Variants in TBL1X observed in about 807,000 individuals in gnomAD.
The protein encoded by TBL1X is F-box-like/WD repeat-containing protein TBL1X.
Under a neutral mutation model 50.7 loss-of-function variants are expected in TBL1X, and 10 were observed. The observed-to-expected ratio is 0.20, with a 90% CI of 0.12 to 0.33. TBL1X has a LOEUF of 0.33. TBL1X is among the 10% of genes least tolerant of loss of function. The pLI, the probability that TBL1X is intolerant of heterozygous loss-of-function variation, is 1.00. For missense variants in TBL1X, 340 were observed against 504.4 expected, an observed-to-expected ratio of 0.67 and a Z score of 3.12; for synonymous variants, 190 against 214.7, an observed-to-expected ratio of 0.88 and a Z score of 1.01.
chrX:9,692,704 G>T (rs6640469), intron 9 of TBL1X, among the ~76,000 whole-genome samples: 5 of 112,798 alleles, frequency 4.4e-5, no homozygotes, highest in Non-Finnish European at 9.4e-5. Flanking sequence ...CACTGCCCCC[G>T]GCCAGTCTTG....
intron 11 of TBL1X, 88 bp downstream of exon 11, chrX:9,693,507 C>T (rs763731392): frequency 1.7e-5 from 15 of 878,037 alleles, no homozygotes; most frequent in African/African-American, 6.1e-5. Context: ...TCTTGGAACT[C>T]GTAGGCTTTG....
intron 2 of TBL1X, among the ~76,000 whole-genome samples, chrX:9,613,236 A>G (rs5979133): frequency 0.016 from 1,797 of 111,137 alleles, 47 homozygotes; most frequent in African/African-American, 0.056. Flanking sequence ...TGGCCTAAAA[A>G]GTCCCTGTTA....
intron 2 of TBL1X, among the ~76,000 whole-genome samples, chrX:9,531,975 C>T (rs2082164514): frequency 9.0e-6 from 1 of 111,305 alleles, no homozygotes; most frequent in South Asian, 3.8e-4. Flanking sequence ...CTTAAATGAT[C>T]CACACCCTCC....
chrX:9,505,738 CAAG>C (rs1287814380), intron 2 of TBL1X, among the ~76,000 whole-genome samples: 1 of 112,288 alleles, frequency 8.9e-6, no homozygotes, highest in Middle Eastern at 4.2e-3. Context: ...AACAATTCAA[CAAG>C]AAGAACTAAC....
At chrX:9,662,463 C>T (rs1002622776) in intron 5 of TBL1X, among the ~76,000 whole-genome samples, 4 of 112,100 alleles carry the variant, frequency 3.6e-5, no homozygotes, top group African/African-American at 1.3e-4. Flanking sequence ...TAGCCAGCCA[C>T]AAAAGGCAAA....
chrX:9,715,746 G>T (rs1051791331), intron 17 of TBL1X, among the ~76,000 whole-genome samples: 10 of 111,857 alleles, frequency 8.9e-5, no homozygotes, highest in African/African-American at 3.2e-4. Context: ...TGGCCATCCT[G>T]CAGGTCTCCT....
chrX:9,494,213 C>T (rs995321972), intron 1 of TBL1X, among the ~76,000 whole-genome samples: 1 of 111,632 alleles, frequency 9.0e-6, no homozygotes, highest in East Asian at 2.8e-4. Flanking sequence ...AGTGACTCAA[C>T]TGCCTTGAAC....
chrX:9,597,362 G>A (rs2082531327), intron 2 of TBL1X, among the ~76,000 whole-genome samples: 1 of 111,850 alleles, frequency 8.9e-6, no homozygotes, highest in South Asian at 3.8e-4. Context: ...ATTTTAGAGA[G>A]TGGGTGTAGT....
chrX:9,523,932 A>C (rs940991449), intron 2 of TBL1X, among the ~76,000 whole-genome samples: 3 of 101,786 alleles, frequency 2.9e-5, no homozygotes, highest in Non-Finnish European at 6.1e-5. Flanking sequence ...GGTAAAATAC[A>C]TGTAATATAA....
At chrX:9,479,122 G>A (rs1195901918) in intron 1 of TBL1X, among the ~76,000 whole-genome samples, 2 of 112,983 alleles carry the variant, frequency 1.8e-5, no homozygotes, top group East Asian at 2.8e-4. Context: ...GTCTTTCTGT[G>A]TATTCTTCTC....
chrX:9,609,451 T>G (rs909542041), intron 2 of TBL1X, among the ~76,000 whole-genome samples: 5 of 107,517 alleles, frequency 4.7e-5, no homozygotes, highest in Admixed American at 1.0e-4. Flanking sequence ...TATTCTGAGC[T>G]TTGTAGTATG....
At chrX:9,616,447 C>G (rs1193060464) in intron 2 of TBL1X, among the ~76,000 whole-genome samples, 1 of 111,319 alleles carries the variant, frequency 9.0e-6, no homozygotes, top group Non-Finnish European at 1.9e-5. Context: ...AATTAAAAGA[C>G]AGTACAGAGA....
intron 5 of TBL1X, among the ~76,000 whole-genome samples, chrX:9,667,395 A>G (rs1330150071): frequency 8.9e-6 from 1 of 112,551 alleles, no homozygotes; most frequent in Non-Finnish European, 1.9e-5. Context: ...AAACATTAAA[A>G]TAAAAGCACA....
rs1047659130 is a variant in TBL1X at position 9,521,707 on chromosome X, G to T, written c.-131+19858G>T. On this transcript the variant is annotated intron_variant, in intron 2 of 17. Coordinates refer to ENST00000645353, the MANE Select transcript of TBL1X (RefSeq NM_005647.4). ...GATACTGTATTTTCCATCTGAATTT[G>T]GTTGTGAATGCAGAACCTGCCCATA... is the stretch of plus-strand genomic sequence containing the variant. Among the ~76,000 whole-genome samples the T allele has an allele frequency of 1.2e-4, 13 of 111,649 alleles. No homozygotes were observed. In the East Asian group the frequency reaches 1.7e-3, roughly 14 times the overall value.
At chrX:9,548,350 A>G (rs2082255351) in intron 2 of TBL1X, among the ~76,000 whole-genome samples, 1 of 110,284 alleles carries the variant, frequency 9.1e-6, no homozygotes, top group African/African-American at 3.3e-5. Context: ...ATTTTTACTC[A>G]CCTCTTCAGT....
At chrX:9,537,394 A>G (rs1292475581) in intron 2 of TBL1X, among the ~76,000 whole-genome samples, 1 of 110,422 alleles carries the variant, frequency 9.1e-6, no homozygotes, top group East Asian at 2.8e-4. Context: ...TTAAATATTC[A>G]TTACATTGTG....
intron 1 of TBL1X, among the ~76,000 whole-genome samples, chrX:9,468,778 G>A (rs2081793717): frequency 9.1e-6 from 1 of 110,314 alleles, no homozygotes; most frequent in African/African-American, 3.3e-5. Flanking sequence ...TCGGGTAGAG[G>A]GAGAGAGAGA....
At chrX:9,486,001 C>T in intron 1 of TBL1X, among the ~76,000 whole-genome samples, 1 of 111,188 alleles carries the variant, frequency 9.0e-6, no homozygotes, top group Non-Finnish European at 1.9e-5. Context: ...CCATAGTTAA[C>T]CTGAAAAACT....
In TBL1X at chrX:9,684,598, T is replaced by TTAAAAAAAAAAAAAA. The variant is rs746186550; in HGVS notation, c.357+410_357+411insTAAAAAAAAAAAAAA. Among the ~76,000 whole-genome samples the TTAAAAAAAAAAAAAA allele has an allele frequency of 1.2e-4, 6 of 51,271 alleles. 1 individual carries two copies. The highest frequency in any genetic ancestry group is 5.0e-4 in the African/African-American group (6 of 12,014). The allele number at this position is 51,271 out of a possible 115,157, so 44.5% of individuals were successfully genotyped here. A position where few individuals can be genotyped will look rare whatever the true frequency, so the allele number is the denominator to read the frequency against. On this transcript the variant is annotated intron_variant, in intron 6 of 17. Transcript: ENST00000645353. ...TGCAGTGAGACTCCATCTCTAAAATTAAAAAAAAAAAAAAAAAAGGAAGAA... is the reference window on the plus strand; with the variant it reads ...TGCAGTGAGACTCCATCTCTAAAATTTAAAAAAAAAAAAAAAAAAAAAAAAAAAAAAAAGGAAGAA...
Sources: allele counts gnomAD v4.1 joint callset (sites outside exome capture counted in the v4.1 genomes callset), GRCh38; gene constraint gnomAD v4.1.1; transcripts MANE v1.5; gene names NCBI Gene and HGNC (gene_info 2026-07-23, HGNC 2026-07-21).